The following RYR2 variants were observed in gnomAD, a reference collection of about 807,000 sequenced individuals.
The protein encoded by RYR2 is cardiac muscle ryanodine receptor-calcium release channel.
RYR2 carries 227 observed loss-of-function variants against 601.1 expected under a neutral mutation model. The observed-to-expected ratio is 0.38, with a 90% CI of 0.34 to 0.42. The LOEUF (loss-of-function observed/expected upper bound fraction) is 0.42, where lower values mean the gene tolerates loss of function less well. Among genes scored for constraint, RYR2 ranks in the 10% least tolerant of loss-of-function variants. RYR2 has a pLI of 1.00. For missense variants in RYR2, 4,646 were observed against 6,156.5 expected (o/e 0.75, Z 8.21); for synonymous variants, 2,223 against 2,175.1 (o/e 1.02, Z -0.61).
rs947656603 is a variant in RYR2, at chr1:237,778,617, G to C, written c.11776-49G>C. The C allele has an allele frequency of 4.0e-6, 4 of 988,092 alleles. No homozygotes were observed. The African/African-American group carries it at 4.8e-5, about 12-fold the overall frequency. The allele number at this position is 988,092 out of a possible 1,614,324, so 61.2% of individuals were successfully genotyped here. A position where few individuals can be genotyped will look rare whatever the true frequency, so the allele number is the denominator to read the frequency against. On this transcript the variant is annotated intron_variant, in intron 87 of 104. Transcript: ENST00000366574. The stretch of plus-strand genomic sequence containing the variant: ...CCCCTGTTATTGTACAGTTTGTTTT[G>C]GCAAATAAATTATGAGGAATAATTG...
intron 3 of RYR2, among the ~76,000 whole-genome samples, chr1:237,354,298 T>C (rs1699110769): frequency 6.6e-6 from 1 of 152,148 alleles, no homozygotes; most frequent in African/African-American, 2.4e-5. Context: ...ATAAATTCTT[T>C]CTTCTGAAAA....
At position 237,650,088 on chromosome 1, in the gene RYR2, CTA is replaced by C; in HGVS notation, c.7726_7727del (p.Ile2576LeufsTer19). 1 of 1,613,610 alleles carries C rather than the reference CTA, an allele frequency of 6.2e-7. No homozygotes were observed. Among genetic ancestry groups the C allele is most frequent in the Non-Finnish European group, 8.5e-7 (1 of 1,179,652 alleles). ...GATTCCATAGAAGTTTGTTTACTCT[CTA>C]TTTGTGGGTGAGTGGATAACAAATT... On this transcript the variant is annotated frameshift_variant, in exon 50 of 105. Coordinates refer to ENST00000366574, the MANE Select transcript of RYR2 (RefSeq NM_001035.3). LOFTEE classifies it high-confidence loss of function.
chr1:237,633,848 G>A (rs1680591938), intron 43 of RYR2, 138 bp downstream of exon 43: 5 of 838,542 alleles, frequency 6.0e-6, no homozygotes, highest in South Asian at 4.4e-5. Flanking sequence ...TGGCCAATAG[G>A]TATATGAAAA....
chr1:237,627,867 A>T lies in RYR2; in HGVS notation c.6227A>T (p.Glu2076Val). Reference protein sequence around the residue: ...MVRWAQESVIEDPELVRAMFV... With the variant: ...MVRWAQESVIVDPELVRAMFV... ...CGATGGGCTCAGGAGTCTGTCATTG[A>T]AGACCCCGAGCTGGTGAGGGCCATG... The change falls in exon 41 of 105, where the codon GAA (glutamate) becomes GTA (valine). Residue 2076 changes from glutamate to valine, a missense_variant. Glu to Val is a moderately radical substitution (Grantham distance 121). Transcript: ENST00000366574. The T allele has an allele frequency of 6.2e-7, 1 of 1,613,654 alleles. No homozygotes were observed. Among genetic ancestry groups the T allele is most frequent in the Non-Finnish European group, 8.5e-7 (1 of 1,179,756 alleles).
At chr1:237,225,879 AC>A (rs60800853) in intron 1 of RYR2, among the ~76,000 whole-genome samples, 1,921 of 152,216 alleles carry the variant, frequency 0.013, 51 homozygotes, top group African/African-American at 0.044. Context: ...ATATGGTGAA[AC>A]CCTGTCTCTA....
chr1:237,629,609 G>T (rs192120429), intron 41 of RYR2, among the ~76,000 whole-genome samples: 21 of 152,038 alleles, frequency 1.4e-4, no homozygotes, highest in African/African-American at 4.8e-4. Context: ...ACTGCTACAT[G>T]AATAAAATAG....
intron 77 of RYR2, among the ~76,000 whole-genome samples, chr1:237,730,830 T>C (rs1690615959): frequency 6.6e-6 from 1 of 152,038 alleles, no homozygotes; most frequent in Admixed American, 6.6e-5. Flanking sequence ...AGAAGTAGAA[T>C]TTTCACCAGA....
chr1:237,651,928 G>T (rs1229594313), intron 51 of RYR2, among the ~76,000 whole-genome samples: 2 of 151,998 alleles, frequency 1.3e-5, no homozygotes, highest in Admixed American at 6.6e-5. Context: ...GCCCAGTTAC[G>T]TGGAAGGCTG....
chr1:237,126,886 CA>C (rs1671494450), intron 1 of RYR2, among the ~76,000 whole-genome samples: 1 of 151,080 alleles, frequency 6.6e-6, no homozygotes, highest in African/African-American at 2.4e-5. Context: ...AGCAGATAAA[CA>C]AGTGAACAAA....
At chr1:237,453,938 A>G (rs1458188019) in intron 14 of RYR2, among the ~76,000 whole-genome samples, 1 of 152,220 alleles carries the variant, frequency 6.6e-6, no homozygotes, top group African/African-American at 2.4e-5. Flanking sequence ...TCATTAGAAT[A>G]TATTTTTGAA....
chr1:237,523,290 C>T (rs1352398913), intron 24 of RYR2, among the ~76,000 whole-genome samples: 5 of 152,088 alleles, frequency 3.3e-5, no homozygotes, highest in Admixed American at 3.3e-4. Flanking sequence ...AGAGACAGGC[C>T]ACCAGCTGGG....
At chr1:237,303,296 T>C (rs1248254611) in intron 2 of RYR2, among the ~76,000 whole-genome samples, 1 of 127,508 alleles carries the variant, frequency 7.8e-6, no homozygotes, top group East Asian at 2.0e-4. Flanking sequence ...GGTTATCTTT[T>C]TTTTTTTTTT....
intron 79 of RYR2, among the ~76,000 whole-genome samples, chr1:237,735,081 A>G (rs1223099405): frequency 6.6e-6 from 1 of 152,194 alleles, no homozygotes; most frequent in Non-Finnish European, 1.5e-5. Flanking sequence ...TAGAAGCTAT[A>G]GGACTTATTG....
intron 29 of RYR2, among the ~76,000 whole-genome samples, chr1:237,588,478 G>A (rs1047012177): frequency 7.2e-5 from 11 of 152,094 alleles, no homozygotes; most frequent in African/African-American, 2.4e-4. Context: ...TTTGTAGTCT[G>A]CATTCCAATA....
At position 237,496,600 on chromosome 1, in the gene RYR2, C is replaced by T; in HGVS notation, c.2051C>T (p.Pro684Leu). 6.2e-7 allele frequency: 1 copy of T among 1,613,856 alleles called. No homozygotes were observed. Among genetic ancestry groups the T allele is most frequent in the Non-Finnish European group, 8.5e-7 (1 of 1,179,884 alleles). ...GAATTGATGGTGGACCACACAGAGCCCTTTGTGACAGCTGAAGCAACTCAC... is the reference window on the plus strand; with the variant it reads ...GAATTGATGGTGGACCACACAGAGCTCTTTGTGACAGCTGAAGCAACTCAC... The part of the protein sequence containing the change: ...YYELMVDHTE[P>L]FVTAEATHLR... Residue 684 changes from proline to leucine, a missense_variant, in exon 20 of 105, where the codon CCC (proline) becomes CTC (leucine). Coordinates refer to ENST00000366574, the MANE Select transcript of RYR2 (RefSeq NM_001035.3).
At chr1:237,451,238 C>T (rs1658069256) in intron 14 of RYR2, among the ~76,000 whole-genome samples, 1 of 152,026 alleles carries the variant, frequency 6.6e-6, no homozygotes, top group South Asian at 2.1e-4. Context: ...TTCTATACAA[C>T]AGAATGCTAC....
chr1:237,283,500 A>C (rs1691122318), intron 2 of RYR2, among the ~76,000 whole-genome samples: 1 of 152,188 alleles, frequency 6.6e-6, no homozygotes, highest in Non-Finnish European at 1.5e-5. Context: ...GGTACATAAT[A>C]CAGTTTTGAA....
At chr1:237,133,698 CG>C (rs1355220059) in intron 1 of RYR2, among the ~76,000 whole-genome samples, 1 of 152,042 alleles carries the variant, frequency 6.6e-6, no homozygotes, top group Non-Finnish European at 1.5e-5. Flanking sequence ...CCCGCTGACG[CG>C]GGTGGATCAT....
chr1:237,631,878 T>TC lies in RYR2; in HGVS notation c.6555+337_6555+338insC, dbSNP rs1236679538. 8.1e-5 allele frequency among the ~76,000 whole-genome samples: 4 copies of TC among 49,220 alleles called. No homozygotes were observed. In the South Asian group the frequency reaches 1.2e-3, roughly 15 times the overall value. The allele number at this position is 49,220 out of a possible 152,430, so 32.3% of individuals were successfully genotyped here. A position where few individuals can be genotyped will look rare whatever the true frequency, so the allele number is the denominator to read the frequency against. Reference sequence around the variant, plus strand: ...CTCCTGACCTCGTGATCCGCCCGCCTTGGCCTCCCCTCCCGAAGTGCTGGG... The same window carrying TC: ...CTCCTGACCTCGTGATCCGCCCGCCTCTGGCCTCCCCTCCCGAAGTGCTGGG... On this transcript the variant is annotated intron_variant, in intron 42 of 104. Coordinates refer to ENST00000366574, the MANE Select transcript of RYR2 (RefSeq NM_001035.3).
Sources: gnomAD v4.1 joint callset for allele counts (sites outside exome capture counted in the v4.1 genomes callset) on GRCh38, gnomAD v4.1.1 for gene constraint, MANE v1.5 for transcripts, NCBI Gene and HGNC (gene_info 2026-07-23, HGNC 2026-07-21) for gene names.